ROR1: variants seen among roughly 807,000 people sequenced by gnomAD.
The protein encoded by ROR1 is ROR family WNT receptor 1, also known as inactive tyrosine-protein kinase transmembrane receptor ROR1.
In ROR1, 19 loss-of-function variants were observed where a neutral mutation model predicts 78.8. That is an observed-to-expected ratio of 0.24 (90% CI 0.17 to 0.35). The LOEUF (loss-of-function observed/expected upper bound fraction) is 0.35, where lower values mean the gene tolerates loss of function less well. Ranked by LOEUF, ROR1 falls within the 10% of genes least tolerant of loss-of-function variation. The pLI, the probability that ROR1 is intolerant of heterozygous loss-of-function variation, is 1.00. For missense variants in ROR1, 917 were observed against 1,177.8 expected (o/e 0.78, Z 3.24); for synonymous variants, 386 against 433.6 (o/e 0.89, Z 1.36).
At chr1:63,957,382 C>A (rs1645992034) in intron 1 of ROR1, among the ~76,000 whole-genome samples, 1 of 152,186 alleles carries the variant, frequency 6.6e-6, no homozygotes, top group Non-Finnish European at 1.5e-5. Context: ...ATAACTCTGA[C>A]CCTCTTCATC....
chr1:64,108,088 G>A (rs976860463), intron 4 of ROR1, among the ~76,000 whole-genome samples: 3 of 135,850 alleles, frequency 2.2e-5, no homozygotes, highest in African/African-American at 7.8e-5. Context: ...GTGTGTGTGT[G>A]TGTGTGTGTG....
chr1:64,077,346 C>T (rs1647058702), intron 4 of ROR1, among the ~76,000 whole-genome samples: 1 of 152,200 alleles, frequency 6.6e-6, no homozygotes, highest in Admixed American at 6.5e-5. Flanking sequence ...GATTCATCTC[C>T]ATTTCTTAAC....
intron 2 of ROR1, among the ~76,000 whole-genome samples, chr1:64,027,582 G>C (rs1646623900): frequency 6.6e-6 from 1 of 152,002 alleles, no homozygotes; most frequent in Non-Finnish European, 1.5e-5. Context: ...GCACTCACTA[G>C]AAGCTATTCC....
chr1:64,118,825 T>A lies in ROR1; in HGVS notation c.483-18544T>A, dbSNP rs574860259. Among the ~76,000 whole-genome samples the A allele has an allele frequency of 2.0e-5, 3 of 152,232 alleles. No homozygotes were observed. The East Asian group carries it at 5.8e-4, about 29-fold the overall frequency. ...ATAATGCATATATAGCACTTTCTCC[T>A]CCATGTGACTCATAGATAAAAGCTG... On this transcript the variant is annotated intron_variant, in intron 4 of 8. Transcript: ENST00000371079.
intron 1 of ROR1, among the ~76,000 whole-genome samples, chr1:63,797,002 T>G (rs915685429): frequency 1.3e-5 from 2 of 152,184 alleles, no homozygotes; most frequent in Non-Finnish European, 2.9e-5. Flanking sequence ...TTTTTTGATG[T>G]TCTATATTTT....
chr1:63,788,792 G>T, intron 1 of ROR1: 1 of 585,816 alleles, frequency 1.7e-6, no homozygotes, highest in Middle Eastern at 5.2e-4. Flanking sequence ...TCTTTATGGC[G>T]CTTGCATGCT....
chr1:64,131,468 C>G (rs1648909431), intron 4 of ROR1, among the ~76,000 whole-genome samples: 1 of 152,166 alleles, frequency 6.6e-6, no homozygotes, highest in Middle Eastern at 3.4e-3. Context: ...ACCCCCACGA[C>G]CTCCCCCACC....
At chr1:64,077,329 G>A (rs775528874) in intron 4 of ROR1, among the ~76,000 whole-genome samples, 2 of 152,326 alleles carry the variant, frequency 1.3e-5, no homozygotes, top group Middle Eastern at 3.4e-3. Flanking sequence ...AGAATGAAAT[G>A]TCCACTGATT....
intron 2 of ROR1, among the ~76,000 whole-genome samples, chr1:64,013,899 G>A (rs1646497239): frequency 6.6e-6 from 1 of 152,202 alleles, no homozygotes; most frequent in African/African-American, 2.4e-5. Context: ...TAAATTATTT[G>A]GGTTCAAATC....
intron 1 of ROR1, among the ~76,000 whole-genome samples, chr1:63,816,864 A>G (rs1644895256): frequency 6.6e-6 from 1 of 152,224 alleles, no homozygotes; most frequent in Non-Finnish European, 1.5e-5. Context: ...TGCACCCTGC[A>G]TAGTACCTTG....
chr1:63,839,068 ATCAAC>A (rs556971215), intron 1 of ROR1, among the ~76,000 whole-genome samples: 91 of 152,342 alleles, frequency 6.0e-4, no homozygotes, highest in Admixed American at 5.4e-3. Context: ...CAACAAGCAT[ATCAAC>A]TAAGAATGCT....
intron 1 of ROR1, among the ~76,000 whole-genome samples, chr1:63,796,659 C>G (rs1557500969): frequency 6.6e-6 from 1 of 152,168 alleles, no homozygotes; most frequent in Non-Finnish European, 1.5e-5. Context: ...AAGGCAGAAA[C>G]AGGCACAAGC....
intron 1 of ROR1, among the ~76,000 whole-genome samples, chr1:63,993,577 A>G (rs1044125205): frequency 6.6e-6 from 1 of 152,240 alleles, no homozygotes; most frequent in African/African-American, 2.4e-5. Flanking sequence ...AGAACACACA[A>G]GCACATTTTT....
At chr1:64,036,797 G>T (rs1425482847) in intron 2 of ROR1, among the ~76,000 whole-genome samples, 1 of 152,204 alleles carries the variant, frequency 6.6e-6, no homozygotes, top group African/African-American at 2.4e-5. Context: ...CTGGTTCTGA[G>T]AGTTGACTGG....
At chr1:64,054,948 T>A (rs1053699953) in intron 4 of ROR1, among the ~76,000 whole-genome samples, 2 of 152,222 alleles carry the variant, frequency 1.3e-5, no homozygotes, top group African/African-American at 4.8e-5. Context: ...ACCTCTGCCT[T>A]GGTGTTCACA....
intron 1 of ROR1, among the ~76,000 whole-genome samples, chr1:63,784,711 G>C (rs1424131341): frequency 6.6e-6 from 1 of 152,176 alleles, no homozygotes; most frequent in Non-Finnish European, 1.5e-5. Flanking sequence ...TTCCTCACGT[G>C]TAAAATGGGA....
rs1645631411 is a variant in ROR1 at position 63,918,896 on chromosome 1, C to A, written c.92-90409C>A. Among the ~76,000 whole-genome samples, 4 of 152,092 alleles carry A rather than the reference C, an allele frequency of 2.6e-5. No homozygotes were observed. In the South Asian group the frequency reaches 8.3e-4, roughly 32 times the overall value. ...CAGTGCTGTCTCCGCGAGACAATGACCAGCATGAGGAAATACCTTTAACCA... is the reference window on the plus strand; with the variant it reads ...CAGTGCTGTCTCCGCGAGACAATGAACAGCATGAGGAAATACCTTTAACCA... On this transcript the variant is annotated intron_variant, in intron 1 of 8. Coordinates refer to ENST00000371079, the MANE Select transcript of ROR1 (RefSeq NM_005012.4).
intron 3 of ROR1, 95 bp from the exon 4 acceptor site, chr1:64,050,591 T>G: frequency 3.0e-5 from 36 of 1,198,484 alleles, no homozygotes; most frequent in Non-Finnish European, 4.0e-5. Context: ...TCTGGGTGGT[T>G]GAGAACTTTA....
At chr1:63,786,349 T>C (rs1644687003) in intron 1 of ROR1, among the ~76,000 whole-genome samples, 1 of 133,724 alleles carries the variant, frequency 7.5e-6, no homozygotes, top group Non-Finnish European at 1.5e-5. Context: ...CTCTGCTCAC[T>C]GCAAGCTCCG....
Sources: allele counts gnomAD v4.1 joint callset (sites outside exome capture counted in the v4.1 genomes callset), GRCh38; gene constraint gnomAD v4.1.1; transcripts MANE v1.5; gene names NCBI Gene and HGNC (gene_info 2026-07-23, HGNC 2026-07-21).